RASGRP1: variants seen among roughly 807,000 people sequenced by gnomAD.
RASGRP1 encodes the protein RAS guanyl-releasing protein 1.
In RASGRP1, 37 loss-of-function variants were observed where a neutral mutation model predicts 95.1. The ratio of observed to expected loss-of-function variants is 0.39; its 90% CI spans 0.30 to 0.51. The LOEUF is 0.51. Ranked by LOEUF, RASGRP1 falls within the 20% of genes least tolerant of loss-of-function variation. The pLI, the probability that RASGRP1 is intolerant of heterozygous loss-of-function variation, is 0.80. For missense variants in RASGRP1, 711 were observed against 965.4 expected, an observed-to-expected ratio of 0.74 and a Z score of 3.49; for synonymous variants, 325 against 353.4, an observed-to-expected ratio of 0.92 and a Z score of 0.90.
chr15:38,529,358 T>C (rs958891890), intron 2 of RASGRP1, among the ~76,000 whole-genome samples: 19 of 152,338 alleles, frequency 1.2e-4, no homozygotes, highest in African/African-American at 4.3e-4. Flanking sequence ...CTTCATTTCA[T>C]ACCACATTGC....
chr15:38,503,975 C>A (rs1210246111), intron 10 of RASGRP1: 1 of 146,924 alleles, frequency 6.8e-6, no homozygotes, highest in South Asian at 2.3e-4. Context: ...GCCTACTGCT[C>A]CTAGGCTACA....
At chr15:38,537,767 C>T (rs1892713244) in intron 2 of RASGRP1, among the ~76,000 whole-genome samples, 1 of 152,158 alleles carries the variant, frequency 6.6e-6, no homozygotes, top group South Asian at 2.1e-4. Context: ...TAGTAGCCTT[C>T]CAAGCTTCCC....
chr15:38,502,281 TA>T, intron 12 of RASGRP1, 30 bp downstream of exon 12: 1 of 1,478,522 alleles, frequency 6.8e-7, no homozygotes, highest in Non-Finnish European at 9.4e-7. Context: ...AATGGGCTCA[TA>T]ACCACATATT....
Position 38,518,422 on chromosome 15 carries a change from A to G in RASGRP1, c.391T>C (p.Tyr131His). The G allele has an allele frequency of 6.2e-7, 1 of 1,600,070 alleles. No homozygotes were observed. The highest frequency in any genetic ancestry group is 2.3e-5 in the East Asian group (1 of 44,368). The part of the protein sequence containing the change: ...LCLKICYFVR[Y>H]WITEFWVMFK... ...ATGACCCAGAATTCTGTTATCCAAT[A>G]CCTACAAGGAGGGGGTTAAAAAACA... Residue 131 changes from tyrosine (Y) to histidine (H), a missense_variant and splice_region_variant, in exon 5 of 17, where the codon TAT becomes CAT. This residue lies in a region of RASGRP1 where 491 missense variants were observed against 676.6 expected (regional missense o/e 0.73). Coordinates refer to ENST00000310803, the MANE Select transcript of RASGRP1 (RefSeq NM_005739.4).
At chr15:38,533,932 C>T (rs1892539605) in intron 2 of RASGRP1, among the ~76,000 whole-genome samples, 1 of 152,224 alleles carries the variant, frequency 6.6e-6, no homozygotes, top group Admixed American at 6.5e-5. Context: ...ACTGAACATG[C>T]ACCTAGGAAG....
intron 2 of RASGRP1, among the ~76,000 whole-genome samples, chr15:38,551,410 C>T (rs1350460199): frequency 2.9e-4 from 44 of 152,110 alleles, no homozygotes; most frequent in East Asian, 3.9e-4. Context: ...CCAGTCCAAG[C>T]GCTGTGGTTT....
At chr15:38,493,889 T>C (rs1015494105) in intron 16 of RASGRP1, among the ~76,000 whole-genome samples, 3 of 152,238 alleles carry the variant, frequency 2.0e-5, no homozygotes, top group African/African-American at 7.2e-5. Flanking sequence ...CTTAGGAAGA[T>C]GCTTAGGTAA....
chr15:38,547,880 T>A (rs1333315819), intron 2 of RASGRP1, among the ~76,000 whole-genome samples: 2 of 151,956 alleles, frequency 1.3e-5, no homozygotes, highest in South Asian at 2.1e-4. Context: ...TGTGTGTGTG[T>A]GAGATGGGGT....
At chr15:38,564,205 C>A (rs1457030325) in intron 1 of RASGRP1, among the ~76,000 whole-genome samples, 1 of 152,192 alleles carries the variant, frequency 6.6e-6, no homozygotes, top group South Asian at 2.1e-4. Flanking sequence ...GTGGCGCAGC[C>A]GGAGCCCAGC....
At chr15:38,522,932 G>A (rs990683115) in intron 3 of RASGRP1, among the ~76,000 whole-genome samples, 7 of 152,274 alleles carry the variant, frequency 4.6e-5, no homozygotes, top group African/African-American at 1.4e-4. Flanking sequence ...ACCATGAGAC[G>A]GGGTAGGCGG....
At chr15:38,514,842 C>G (rs2141119347) in intron 6 of RASGRP1, among the ~76,000 whole-genome samples, 1 of 152,302 alleles carries the variant, frequency 6.6e-6, no homozygotes, top group Middle Eastern at 3.4e-3. Flanking sequence ...AGTTTGACCC[C>G]TGCAGAGCTC....
At chr15:38,499,101 T>C (rs956479238) in intron 14 of RASGRP1, 155 bp from the exon 15 acceptor site, 19 of 1,055,664 alleles carry the variant, frequency 1.8e-5, no homozygotes, top group Non-Finnish European at 2.6e-5. Flanking sequence ...GCTAGCATTC[T>C]TCTCACTTGG....
chr15:38,532,736 A>C (rs1353305371), intron 2 of RASGRP1, among the ~76,000 whole-genome samples: 1 of 152,200 alleles, frequency 6.6e-6, no homozygotes, highest in Non-Finnish European at 1.5e-5. Context: ...AATTTTTGAC[A>C]CCACTAACCA....
chr15:38,503,671 A>C (rs771646914), intron 10 of RASGRP1: 1 of 371,996 alleles, frequency 2.7e-6, no homozygotes, highest in Non-Finnish European at 4.8e-6. Context: ...CCTTTGTCAG[A>C]GCTATCAACA....
intron 5 of RASGRP1, among the ~76,000 whole-genome samples, chr15:38,517,250 T>A (rs1891825555): frequency 6.6e-6 from 1 of 152,114 alleles, no homozygotes; most frequent in South Asian, 2.1e-4. Context: ...GACTAATAAT[T>A]CCTACAGAAT....
Position 38,526,395 on chromosome 15 carries a change from CCATCTG to C in RASGRP1, c.224_229del (p.Ala75_Asp76del). 6.2e-7 allele frequency: 1 copy of C among 1,612,770 alleles called. No homozygotes were observed. Among genetic ancestry groups the C allele is most frequent in the Non-Finnish European group, 8.5e-7 (1 of 1,179,104 alleles). ...CAGTTGGTTACTTCGACACAGGTTT[CCATCTG>C]CATCTGAAAATATAAAGAGCAGCAC... is the stretch of plus-strand genomic sequence containing the variant. On this transcript the variant is annotated inframe_deletion, in exon 3 of 17. Transcript: ENST00000310803.
At chr15:38,525,167 C>T (rs1007782849) in intron 3 of RASGRP1, among the ~76,000 whole-genome samples, 3 of 151,924 alleles carry the variant, frequency 2.0e-5, no homozygotes, top group Non-Finnish European at 4.4e-5. Context: ...GGGGTTTCAC[C>T]ATGTTGGCCA....
intron 2 of RASGRP1, among the ~76,000 whole-genome samples, chr15:38,543,399 T>C (rs1892978699): frequency 6.6e-6 from 1 of 152,158 alleles, no homozygotes; most frequent in African/African-American, 2.4e-5. Flanking sequence ...TATATTTGTC[T>C]ATCCTTATAT....
In RASGRP1 at chr15:38,500,159, A is replaced by G. The variant is rs1441273562; in HGVS notation, c.1684-20T>C. On this transcript the variant is annotated intron_variant, in intron 13 of 16. Transcript: ENST00000310803. ...CCAGAGCTATGAAACAAGAGACAGA[A>G]TGCACCACATGTCATTCATCCATCT... 3 of 1,612,342 alleles carry G rather than the reference A, an allele frequency of 1.9e-6. No individual in the cohort carries two copies. The highest frequency in any genetic ancestry group is 1.1e-5 in the South Asian group (1 of 91,034).
Sources: allele counts gnomAD v4.1 joint callset (sites outside exome capture counted in the v4.1 genomes callset), GRCh38; gene constraint gnomAD v4.1.1; regional missense constraint gnomAD v4.1.1; transcripts MANE v1.5; gene names NCBI Gene and HGNC (gene_info 2026-07-23, HGNC 2026-07-21).